Variants in KCNK2 observed in about 807,000 individuals in gnomAD.
The protein encoded by KCNK2 is potassium two pore domain channel subfamily K member 2.
KCNK2 carries 21 observed loss-of-function variants against 40.5 expected under a neutral mutation model. The ratio of observed to expected loss-of-function variants is 0.52; its 90% CI spans 0.37 to 0.75. The LOEUF (loss-of-function observed/expected upper bound fraction) is 0.75. KCNK2 is among the 30% of genes least tolerant of loss of function. KCNK2 has a pLI of 0.00. For missense variants in KCNK2, 399 were observed against 531.6 expected (o/e 0.75, Z 2.45); for synonymous variants, 191 against 202.2 (o/e 0.94, Z 0.47).
At chr1:215,139,964 C>T (rs1288144293) in intron 3 of KCNK2, among the ~76,000 whole-genome samples, 1 of 151,820 alleles carries the variant, frequency 6.6e-6, no homozygotes. Flanking sequence ...AGTGATTTTC[C>T]TATGTATAGT....
upstream of KCNK2, among the ~76,000 whole-genome samples, chr1:215,080,450 C>T (rs9786927): frequency 1.3e-5 from 2 of 152,134 alleles, no homozygotes. Flanking sequence ...ATAGTGAATT[C>T]ATCTCATTTC....
chr1:215,027,794 C>T (rs1185156376), intron 1 of KCNK2, among the ~76,000 whole-genome samples: 1 of 152,058 alleles, frequency 6.6e-6, no homozygotes, highest in African/African-American at 2.4e-5. Context: ...TTTGATAGAC[C>T]TCATCTATGA....
At chr1:215,150,397 A>G (rs921359767) in intron 3 of KCNK2, among the ~76,000 whole-genome samples, 2 of 152,088 alleles carry the variant, frequency 1.3e-5, no homozygotes, top group African/African-American at 4.8e-5. Flanking sequence ...AGAGTAATCA[A>G]TTTCTCCATC....
rs1305453271 is a variant in KCNK2, at chr1:215,083,365, A to AT, written c.-17dup. The AT allele has an allele frequency of 6.2e-7, 1 of 1,614,038 alleles. No individual in the cohort carries two copies. The highest frequency in any genetic ancestry group is 8.5e-7 in the Non-Finnish European group (1 of 1,179,992). On this transcript the variant is annotated 5_prime_UTR_variant, in exon 1 of 7. Coordinates refer to ENST00000444842, the MANE Select transcript of KCNK2 (RefSeq NM_001017425.3). ...TTCAAGTCCGTCTTTTTCAAAAAACATTTTGAATGCTGCATGCCTCATGCT... is the reference window on the plus strand; with the variant it reads ...TTCAAGTCCGTCTTTTTCAAAAAACATTTTTGAATGCTGCATGCCTCATGCT...
chr1:215,212,146 CA>C (rs1179747657), intron 6 of KCNK2, among the ~76,000 whole-genome samples: 2 of 152,012 alleles, frequency 1.3e-5, no homozygotes, highest in African/African-American at 2.4e-5. Context: ...ATAGCTGCAG[CA>C]AAATGTCAGG....
Position 215,086,412 on chromosome 1 carries a change from T to C in KCNK2, c.91T>C (p.Ser31Pro), listed in dbSNP as rs1430962266. 1 of 1,614,108 alleles carries C rather than the reference T, an allele frequency of 6.2e-7. No individual in the cohort carries two copies. Among genetic ancestry groups the C allele is most frequent in the East Asian group, 2.2e-5 (1 of 44,878 alleles). The change falls in exon 2 of 7, where the codon TCC becomes CCC. Residue 31 changes from serine (S) to proline (P), a missense_variant. Ser to Pro is a moderately conservative substitution (Grantham distance 74, BLOSUM62 -1). Transcript: ENST00000444842. ...LLDPKSAAQN[S>P]KPRLSFSTKP... ...GGATCCTAAATCTGCCGCTCAGAACTCCAAACCGAGGCTCTCGTTTTCCAC... is the reference window on the plus strand; with the variant it reads ...GGATCCTAAATCTGCCGCTCAGAACCCCAAACCGAGGCTCTCGTTTTCCAC...
chr1:215,161,301 C>T (rs750302825), intron 3 of KCNK2, among the ~76,000 whole-genome samples: 11 of 152,096 alleles, frequency 7.2e-5, no homozygotes, highest in South Asian at 2.1e-4. Context: ...TGCTGGATTA[C>T]GTTTTGATTT....
chr1:215,103,293 A>T (rs942310440), intron 2 of KCNK2, among the ~76,000 whole-genome samples: 5 of 151,892 alleles, frequency 3.3e-5, no homozygotes, highest in African/African-American at 1.2e-4. Flanking sequence ...ATACTAGATG[A>T]TTCTCATGCA....
intron 1 of KCNK2, among the ~76,000 whole-genome samples, chr1:215,056,344 T>C (rs1160165502): frequency 1.4e-4 from 20 of 147,362 alleles, no homozygotes; most frequent in African/African-American, 4.7e-4. Flanking sequence ...TCATATTACC[T>C]GAAGGGGTGG....
chr1:215,126,638 AAC>A (rs1245699292), intron 3 of KCNK2, among the ~76,000 whole-genome samples: 1 of 152,160 alleles, frequency 6.6e-6, no homozygotes, highest in Admixed American at 6.5e-5. Context: ...TATGTTTATA[AAC>A]AGTCTCATTT....
intron 2 of KCNK2, among the ~76,000 whole-genome samples, chr1:215,120,297 A>C (rs1262153486): frequency 3.9e-5 from 6 of 152,186 alleles, no homozygotes; most frequent in Admixed American, 2.0e-4. Flanking sequence ...CAATTGCTAT[A>C]GTCAATAAAA....
chr1:215,019,790 A>G (rs1656724448), intron 1 of KCNK2, among the ~76,000 whole-genome samples: 1 of 152,156 alleles, frequency 6.6e-6, no homozygotes, highest in Non-Finnish European at 1.5e-5. Context: ...ATGCTTGGTT[A>G]TTCTCCGTGA....
intron 1 of KCNK2, among the ~76,000 whole-genome samples, chr1:215,041,485 A>G (rs1657560202): frequency 6.6e-6 from 1 of 152,180 alleles, no homozygotes; most frequent in African/African-American, 2.4e-5. Context: ...GGAAAGGCCA[A>G]CTTAACTTTT....
chr1:215,197,537 C>T (rs550200769), intron 6 of KCNK2, among the ~76,000 whole-genome samples: 26 of 152,204 alleles, frequency 1.7e-4, no homozygotes, highest in Admixed American at 5.2e-4. Context: ...GATTAGGGCC[C>T]CACTTTTTTG....
At chr1:215,007,037 A>ATATATATATATATG (rs1330420661) in intron 1 of KCNK2, among the ~76,000 whole-genome samples, 1 of 51,602 alleles carries the variant, frequency 1.9e-5, no homozygotes, top group Non-Finnish European at 4.3e-5. Flanking sequence ...ATATATATAT[A>ATATATATATATATG]TGTGTGTGTG....
At chr1:215,079,223 G>A (rs1021287364), upstream of KCNK2, among the ~76,000 whole-genome samples, 40 of 152,198 alleles carry the variant, frequency 2.6e-4, no homozygotes, top group African/African-American at 9.4e-4. Flanking sequence ...CTTTCGATGG[G>A]GCTTATATAT....
At chr1:215,133,621 CTT>C (rs367681412) in intron 3 of KCNK2, among the ~76,000 whole-genome samples, 20 of 141,164 alleles carry the variant, frequency 1.4e-4, no homozygotes, top group Admixed American at 3.6e-4. Context: ...CTTCCTAATT[CTT>C]TTTTTTTTTT....
At chr1:215,034,926 G>A (rs11810831) in intron 1 of KCNK2, among the ~76,000 whole-genome samples, 4,648 of 151,980 alleles carry the variant, frequency 0.031, 140 homozygotes, top group African/African-American at 0.076. Flanking sequence ...CCAGCATCAC[G>A]GATTCTAATT....
intron 2 of KCNK2, among the ~76,000 whole-genome samples, chr1:215,110,703 G>A (rs1388259616): frequency 1.3e-5 from 2 of 151,506 alleles, no homozygotes; most frequent in African/African-American, 4.8e-5. Context: ...TTTTAGGTTC[G>A]TGGCAAAATT....
Sources: allele counts gnomAD v4.1 joint callset (sites outside exome capture counted in the v4.1 genomes callset), GRCh38; gene constraint gnomAD v4.1.1; transcripts MANE v1.5; gene names NCBI Gene and HGNC (gene_info 2026-07-23, HGNC 2026-07-21).